The following CLVS1 variants were observed in gnomAD, a reference collection of about 807,000 sequenced individuals.
CLVS1 encodes the protein clavesin-1.
CLVS1 carries 10 observed loss-of-function variants against 33.1 expected under a neutral mutation model. The ratio of observed to expected loss-of-function variants is 0.30; its 90% CI spans 0.19 to 0.51. The LOEUF (loss-of-function observed/expected upper bound fraction) is 0.51. CLVS1 is among the 20% of genes least tolerant of loss of function. The pLI, the probability that CLVS1 is intolerant of heterozygous loss-of-function variation, is 0.97. For missense variants in CLVS1, 343 were observed against 433.4 expected (o/e 0.79, Z 1.85); for synonymous variants, 163 against 166.1 (o/e 0.98, Z 0.14).
intron 2 of CLVS1, among the ~76,000 whole-genome samples, chr8:61,143,690 T>G (rs568662163): frequency 6.6e-6 from 1 of 150,864 alleles, no homozygotes; most frequent in South Asian, 2.1e-4. Context: ...TATTTTTATT[T>G]TACAATAAAT....
chr8:61,107,654 C>T (rs59921359), intron 1 of CLVS1, among the ~76,000 whole-genome samples: 4,330 of 152,306 alleles, frequency 0.028, 277 homozygotes, highest in East Asian at 0.27. Context: ...CAAGGACTAA[C>T]CTGGAGATGG....
chr8:61,161,208 C>G (rs1410357648), intron 2 of CLVS1, among the ~76,000 whole-genome samples: 1 of 120,168 alleles, frequency 8.3e-6, no homozygotes, highest in African/African-American at 2.5e-5. Context: ...AGAAGTGAAC[C>G]CTTGTACACA....
chr8:61,028,828 A>T, the CLVS1 span, among the ~76,000 whole-genome samples: 2 of 151,928 alleles, frequency 1.3e-5, no homozygotes, highest in Non-Finnish European at 1.5e-5. Context: ...CAGAGAGCCA[A>T]CTCCTTTGGT....
In CLVS1 at chr8:61,332,850, G is replaced by A. The variant is rs1811650237; in HGVS notation, c.455+32568G>A. Reference sequence around the variant, plus strand: ...GTGTTTCACCATATTGGCCAGGCTGGTCTTGAACTCCTGACCTCAGGTAAT... The same window carrying A: ...GTGTTTCACCATATTGGCCAGGCTGATCTTGAACTCCTGACCTCAGGTAAT... On this transcript the variant is annotated intron_variant, in intron 2 of 5. Coordinates refer to ENST00000325897, the MANE Select transcript of CLVS1 (RefSeq NM_173519.3). 2.0e-5 allele frequency among the ~76,000 whole-genome samples: 3 copies of A among 152,118 alleles called. No homozygotes were observed. The South Asian group carries it at 6.2e-4, about 32-fold the overall frequency.
At chr8:60,967,540 G>A in the CLVS1 span, 1 of 421,480 alleles carries the variant, frequency 2.4e-6, no homozygotes, top group Non-Finnish European at 4.8e-6. Context: ...ACGGCTTGAG[G>A]TGTGGGTGAA....
At chr8:60,969,665 G>A in the CLVS1 span, among the ~76,000 whole-genome samples, 1 of 151,936 alleles carries the variant, frequency 6.6e-6, no homozygotes, top group Non-Finnish European at 1.5e-5. Flanking sequence ...TTTATTTTTA[G>A]TTCTTATTGG....
intron 2 of CLVS1, among the ~76,000 whole-genome samples, chr8:61,228,863 A>G (rs1401961864): frequency 6.6e-6 from 1 of 152,230 alleles, no homozygotes; most frequent in Non-Finnish European, 1.5e-5. Flanking sequence ...ATAAGTGTGC[A>G]GACATTTCTT....
At chr8:61,068,230 T>TATATATATATATATAC (rs1491115716) in intron 1 of CLVS1, among the ~76,000 whole-genome samples, 3 of 89,596 alleles carry the variant, frequency 3.3e-5, no homozygotes, top group African/African-American at 1.2e-4. Flanking sequence ...TATGTATGTG[T>TATATATATATATATAC]ATATATATAT....
chr8:61,393,284 C>T (rs529802072), intron 3 of CLVS1, among the ~76,000 whole-genome samples: 1 of 151,936 alleles, frequency 6.6e-6, no homozygotes, highest in Admixed American at 6.6e-5. Context: ...TATATTTCTT[C>T]GAAGATTTTT....
At chr8:61,136,450 T>C (rs375715315) in intron 2 of CLVS1, among the ~76,000 whole-genome samples, 1 of 152,158 alleles carries the variant, frequency 6.6e-6, no homozygotes, top group South Asian at 2.1e-4. Context: ...CCATCAATGA[T>C]AGACCGGATA....
intron 1 of CLVS1, among the ~76,000 whole-genome samples, chr8:61,081,826 C>A (rs548231622): frequency 6.6e-6 from 1 of 152,320 alleles, no homozygotes; most frequent in Admixed American, 6.5e-5. Context: ...AAAATCACAG[C>A]TCACTGAAGC....
chr8:61,356,293 C>T (rs901507309), intron 2 of CLVS1, among the ~76,000 whole-genome samples: 7 of 151,954 alleles, frequency 4.6e-5, no homozygotes, highest in Admixed American at 6.6e-5. Context: ...TGTTTGAGTT[C>T]GTTGTAGATT....
intron 3 of CLVS1, among the ~76,000 whole-genome samples, chr8:61,453,784 C>A (rs956385666): frequency 6.6e-6 from 1 of 152,132 alleles, no homozygotes; most frequent in Non-Finnish European, 1.5e-5. Context: ...GTGCTGAGAG[C>A]CTGTAAGCCT....
intron 3 of CLVS1, among the ~76,000 whole-genome samples, chr8:61,444,176 C>T (rs1440765804): frequency 6.6e-6 from 1 of 152,068 alleles, no homozygotes; most frequent in Non-Finnish European, 1.5e-5. Context: ...ATCTGCAAAT[C>T]GAGACAGCTA....
chr8:61,265,754 T>C (rs914466866), intron 2 of CLVS1, among the ~76,000 whole-genome samples: 1 of 152,244 alleles, frequency 6.6e-6, no homozygotes, highest in African/African-American at 2.4e-5. Context: ...GCAGCCAGCA[T>C]CTGGGCCCCT....
the CLVS1 span, among the ~76,000 whole-genome samples, chr8:61,006,785 G>A: frequency 2.0e-5 from 3 of 152,160 alleles, no homozygotes; most frequent in African/African-American, 7.2e-5. Context: ...CAGAGGAGGA[G>A]GGAAAATCCT....
At chr8:61,479,940 G>A (rs1818120068) in intron 5 of CLVS1, among the ~76,000 whole-genome samples, 1 of 152,174 alleles carries the variant, frequency 6.6e-6, no homozygotes, top group African/African-American at 2.4e-5. Flanking sequence ...TCATTCCCCT[G>A]GAAGTTTTGT....
At chr8:61,170,266 TCTCTCTTCCCA>T (rs1395846396) in intron 2 of CLVS1, among the ~76,000 whole-genome samples, 1 of 152,084 alleles carries the variant, frequency 6.6e-6, no homozygotes, top group African/African-American at 2.4e-5. Flanking sequence ...TTCAGAACCA[TCTCTCTTCCCA>T]CAGCATCAGC....
the CLVS1 span, among the ~76,000 whole-genome samples, chr8:60,975,395 GAGATT>G: frequency 6.6e-6 from 1 of 152,144 alleles, no homozygotes; most frequent in African/African-American, 2.4e-5. Context: ...ATCTTGAGAT[GAGATT>G]ATCTTGGTTT....
Sources: gnomAD v4.1 joint callset for allele counts (sites outside exome capture counted in the v4.1 genomes callset) on GRCh38, gnomAD v4.1.1 for gene constraint, MANE v1.5 for transcripts, NCBI Gene and HGNC (gene_info 2026-07-23, HGNC 2026-07-21) for gene names.